EYA2: variants seen among roughly 807,000 people sequenced by gnomAD.
EYA2 encodes EYA transcriptional coactivator and phosphatase 2.
EYA2 carries 31 observed loss-of-function variants against 69.2 expected under a neutral mutation model. That is an observed-to-expected ratio of 0.45 (90% CI 0.34 to 0.60). The LOEUF (loss-of-function observed/expected upper bound fraction) is 0.60. Among genes scored for constraint, EYA2 ranks in the 20% least tolerant of loss-of-function variants. The pLI is 0.02. For synonymous variants in EYA2, 257 were observed against 279.4 expected, an observed-to-expected ratio of 0.92 and a Z score of 0.80; for missense variants, 622 against 701.2, an observed-to-expected ratio of 0.89 and a Z score of 1.28.
rs534417449 is a variant in EYA2, at chr20:46,996,820, G to A, written c.110-4608G>A. Among the ~76,000 whole-genome samples, 10 of 152,186 alleles carry A rather than the reference G, an allele frequency of 6.6e-5. No homozygotes were observed. In the East Asian group the frequency reaches 1.2e-3, roughly 18 times the overall value. On this transcript the variant is annotated intron_variant, in intron 2 of 15. Coordinates refer to ENST00000327619, the MANE Select transcript of EYA2 (RefSeq NM_005244.5). ...GAAACTTACAGTCATGGTGGAAGGCGAAGGGGAAGCAGGCACATTTTCCAT... is the reference window on the plus strand; with the variant it reads ...GAAACTTACAGTCATGGTGGAAGGCAAAGGGGAAGCAGGCACATTTTCCAT...
intron 1 of EYA2, among the ~76,000 whole-genome samples, chr20:46,947,841 GC>G (rs1351116699): frequency 3.3e-5 from 5 of 152,258 alleles, no homozygotes; most frequent in African/African-American, 1.2e-4. Context: ...ATATGGCTGG[GC>G]ATGGTGTCTC....
At chr20:47,036,402 C>T (rs1984712547) in intron 5 of EYA2, among the ~76,000 whole-genome samples, 1 of 152,122 alleles carries the variant, frequency 6.6e-6, no homozygotes, top group Non-Finnish European at 1.5e-5. Flanking sequence ...AGTGACCCAG[C>T]AATATTGTGG....
intron 6 of EYA2, among the ~76,000 whole-genome samples, chr20:47,072,768 C>T (rs1304221765): frequency 6.6e-6 from 1 of 152,192 alleles, no homozygotes; most frequent in African/African-American, 2.4e-5. Flanking sequence ...TTCGCATCTG[C>T]TCAAAGTGTG....
At chr20:47,013,744 G>T (rs376463664) in intron 4 of EYA2, among the ~76,000 whole-genome samples, 36 of 152,346 alleles carry the variant, frequency 2.4e-4, no homozygotes, top group East Asian at 2.3e-3. Context: ...GGGGGTCACT[G>T]CAGAGTTTAG....
chr20:47,046,602 G>T (rs938127030), intron 5 of EYA2, among the ~76,000 whole-genome samples: 1 of 152,154 alleles, frequency 6.6e-6, no homozygotes, highest in Non-Finnish European at 1.5e-5. Context: ...GTGTAGGGGG[G>T]TGGGCTGGGT....
chr20:47,097,068 C>T lies in EYA2; in HGVS notation c.805-17C>T, dbSNP rs144935900. 25 of 1,599,476 alleles carry T rather than the reference C, an allele frequency of 1.6e-5. No homozygotes were observed. The East Asian group carries it at 4.7e-4, about 30-fold the overall frequency. On this transcript the variant is annotated splice_polypyrimidine_tract_variant and intron_variant, in intron 8 of 15. Transcript: ENST00000327619. ...TGAGTCCATTTTTCTCCATTCTCTT[C>T]CTCTCTTTCATCACAGCGTGTGTTC...
rs8123199 is a variant in EYA2, at chr20:47,182,303, C to T, written c.1436-988C>T. ...ATGCTGGGATTACAGGCATGAACCA[C>T]CGCACCTGGCCATGCACTATACGCT... On this transcript the variant is annotated intron_variant, in intron 14 of 15. Transcript: ENST00000327619. Among the ~76,000 whole-genome samples, 2,723 of 151,724 alleles carry T rather than the reference C, an allele frequency of 0.018. 123 individuals carry two copies. The East Asian group carries it at 0.18, about 10-fold the overall frequency.
chr20:47,115,779 C>T (rs1600719736), intron 9 of EYA2, among the ~76,000 whole-genome samples: 1 of 152,224 alleles, frequency 6.6e-6, no homozygotes, highest in African/African-American at 2.4e-5. Context: ...CGGTGGAGAA[C>T]CCTGCAGTGA....
At chr20:47,077,340 C>G (rs1470730799) in intron 7 of EYA2, among the ~76,000 whole-genome samples, 2 of 152,198 alleles carry the variant, frequency 1.3e-5, no homozygotes, top group African/African-American at 4.8e-5. Flanking sequence ...CTATGCACAT[C>G]TTCTCTTTTA....
chr20:46,908,399 C>G (rs1984467446), intron 1 of EYA2, among the ~76,000 whole-genome samples: 1 of 152,140 alleles, frequency 6.6e-6, no homozygotes, highest in Non-Finnish European at 1.5e-5. Flanking sequence ...GTAGCAAGGA[C>G]AAAAGTCCTG....
chr20:46,947,202 C>A (rs1978512639), intron 1 of EYA2, among the ~76,000 whole-genome samples: 1 of 152,062 alleles, frequency 6.6e-6, no homozygotes, highest in Non-Finnish European at 1.5e-5. Context: ...GCATTACTAA[C>A]CCTCCCAAAC....
intron 1 of EYA2, among the ~76,000 whole-genome samples, chr20:46,982,066 A>G (rs932206512): frequency 2.0e-5 from 3 of 152,130 alleles, no homozygotes; most frequent in Admixed American, 6.5e-5. Context: ...AAACATGTTA[A>G]TTGTATTTAT....
chr20:46,991,608 A>C (rs1981663325), intron 2 of EYA2, among the ~76,000 whole-genome samples: 1 of 152,220 alleles, frequency 6.6e-6, no homozygotes, highest in African/African-American at 2.4e-5. Context: ...ACTATGTTTT[A>C]AGTAAAAGTG....
intron 5 of EYA2, among the ~76,000 whole-genome samples, chr20:47,030,055 A>G (rs975790999): frequency 4.6e-5 from 7 of 152,196 alleles, no homozygotes; most frequent in African/African-American, 1.7e-4. Context: ...ACGACAACGA[A>G]TGGGCAAGGC....
At chr20:46,977,149 T>C (rs1347597479) in intron 1 of EYA2, among the ~76,000 whole-genome samples, 1 of 152,154 alleles carries the variant, frequency 6.6e-6, no homozygotes, top group Non-Finnish European at 1.5e-5. Flanking sequence ...GTAAAAACAG[T>C]ACTGTATATT....
chr20:47,133,284 T>G (rs532386090), intron 9 of EYA2, among the ~76,000 whole-genome samples: 78 of 152,268 alleles, frequency 5.1e-4, no homozygotes, highest in Middle Eastern at 6.8e-3. Context: ...CCAGGAGTCA[T>G]AGCTAAAGTC....
At chr20:46,982,416 C>G (rs1351667677) in intron 1 of EYA2, among the ~76,000 whole-genome samples, 2 of 152,126 alleles carry the variant, frequency 1.3e-5, no homozygotes, top group Non-Finnish European at 2.9e-5. Context: ...CATCACATAC[C>G]CAGGAATGCT....
In EYA2 at chr20:47,074,416, A is replaced by C. The variant is rs544986818; in HGVS notation, c.661+81A>C. ...AGGAGGGACCCGCACATGGGTCCCA[A>C]TTGTAACAAACAGGTTACCCAAGGG... is the stretch of plus-strand genomic sequence containing the variant. On this transcript the variant is annotated intron_variant, in intron 7 of 15. Coordinates refer to ENST00000327619, the MANE Select transcript of EYA2 (RefSeq NM_005244.5). The C allele has an allele frequency of 3.5e-6, 5 of 1,424,120 alleles. No individual in the cohort carries two copies. In the African/African-American group the frequency reaches 5.7e-5, roughly 16 times the overall value. The allele number at this position is 1,424,120 out of a possible 1,614,324, so 88.2% of individuals were successfully genotyped here. A position where few individuals can be genotyped will look rare whatever the true frequency, so the allele number is the denominator to read the frequency against.
chr20:46,905,618 C>A (rs1600530575), intron 1 of EYA2, among the ~76,000 whole-genome samples: 3 of 152,192 alleles, frequency 2.0e-5, no homozygotes, highest in Admixed American at 2.0e-4. Flanking sequence ...GTGACTTCCT[C>A]CTCAGACCAG....
Sources: allele counts gnomAD v4.1 joint callset (sites outside exome capture counted in the v4.1 genomes callset), GRCh38; gene constraint gnomAD v4.1.1; transcripts MANE v1.5; gene names NCBI Gene and HGNC (gene_info 2026-07-23, HGNC 2026-07-21).